Variants in PRKG1 observed in about 807,000 individuals in gnomAD.
PRKG1 encodes cGMP-dependent protein kinase 1.
PRKG1 carries 35 observed loss-of-function variants against 88.1 expected under a neutral mutation model. The observed-to-expected ratio is 0.40, with a 90% confidence interval of 0.30 to 0.53. The LOEUF is 0.53. PRKG1 is among the 20% of genes least tolerant of loss of function. The probability of loss-of-function intolerance (pLI) is 0.59; values close to 1 mark genes in which losing one functional copy is unlikely to be tolerated. For missense variants in PRKG1, 540 were observed against 839.8 expected (o/e 0.64, Z 4.41); for synonymous variants, 303 against 292.5 (o/e 1.04, Z -0.37).
chr10:52,164,658 G>A (rs999987268), intron 9 of PRKG1, among the ~76,000 whole-genome samples: 30 of 152,040 alleles, frequency 2.0e-4, no homozygotes, highest in Admixed American at 1.7e-3. Flanking sequence ...GCAATGAAAT[G>A]ACTACTTACA....
chr10:52,118,451 G>A (rs2132605615), intron 7 of PRKG1, among the ~76,000 whole-genome samples: 1 of 151,824 alleles, frequency 6.6e-6, no homozygotes, highest in Admixed American at 6.6e-5. Context: ...ACATATATGT[G>A]TTTATATTTT....
chr10:52,175,689 T>C (rs1838845648), intron 9 of PRKG1, among the ~76,000 whole-genome samples: 1 of 152,180 alleles, frequency 6.6e-6, no homozygotes, highest in Non-Finnish European at 1.5e-5. Context: ...AAAGCTATTC[T>C]AACTGGAGTA....
chr10:51,255,199 T>C (rs1188198724), intron 2 of PRKG1, among the ~76,000 whole-genome samples: 1 of 152,158 alleles, frequency 6.6e-6, no homozygotes, highest in East Asian at 1.9e-4. Context: ...TTTCTACATA[T>C]GTTTTGACTA....
At chr10:52,290,372 G>A (rs1336248170) in intron 17 of PRKG1, 82 bp downstream of exon 17, 7 of 1,200,982 alleles carry the variant, frequency 5.8e-6, no homozygotes, top group Non-Finnish European at 7.1e-6. Flanking sequence ...TATTTTTAAA[G>A]TTTAATCCTA....
chr10:52,022,598 G>A (rs905608064), intron 5 of PRKG1, among the ~76,000 whole-genome samples: 1 of 152,028 alleles, frequency 6.6e-6, no homozygotes, highest in African/African-American at 2.4e-5. Flanking sequence ...CATGGGAATA[G>A]GCAGAATAAT....
At chr10:51,033,148 A>G (rs1025532825) in intron 1 of PRKG1, among the ~76,000 whole-genome samples, 1 of 152,038 alleles carries the variant, frequency 6.6e-6, no homozygotes, top group Non-Finnish European at 1.5e-5. Context: ...TACAGTTCTG[A>G]TTATTAAGCC....
chr10:51,353,157 A>G lies in PRKG1; in HGVS notation c.479-114566A>G, dbSNP rs566439369. On this transcript the variant is annotated intron_variant, in intron 2 of 17. Coordinates refer to ENST00000373980, the MANE Select transcript of PRKG1 (RefSeq NM_006258.4). ...ACAAAAATAAAATCAAAATAGATTA[A>G]CAATTTAAAGCTAAAACCTCAAACT... is the stretch of plus-strand genomic sequence containing the variant. Among the ~76,000 whole-genome samples the G allele has an allele frequency of 3.0e-4, 45 of 152,308 alleles. No homozygotes were observed. The South Asian group carries it at 5.2e-3, about 18-fold the overall frequency.
At chr10:51,592,872 T>C (rs971290190) in intron 3 of PRKG1, among the ~76,000 whole-genome samples, 4 of 152,224 alleles carry the variant, frequency 2.6e-5, no homozygotes, top group East Asian at 1.9e-4. Flanking sequence ...AAGTATTGAC[T>C]AGTAAATTAC....
At position 51,404,561 on chromosome 10, in the gene PRKG1, T is replaced by C. The variant is rs141346016; in HGVS notation, c.479-63162T>C. Among the ~76,000 whole-genome samples the C allele has an allele frequency of 1.5e-3, 227 of 152,356 alleles. 1 individual carries two copies. Among genetic ancestry groups the C allele is most frequent in the African/African-American group, 5.2e-3 (216 of 41,588 alleles). On this transcript the variant is annotated intron_variant, in intron 2 of 17. Transcript: ENST00000373980. The stretch of plus-strand genomic sequence containing the variant: ...AAAAGTCAATATGGTAATAGCATGA[T>C]ATTTTGCTTTGGAATCAAACATACT...
At chr10:51,244,974 C>A (rs1027750712) in intron 2 of PRKG1, 1 of 151,980 alleles carries the variant, frequency 6.6e-6, no homozygotes, top group Non-Finnish European at 1.5e-5. Context: ...TGCTGCCTTT[C>A]CTTCTCTAGA....
intron 9 of PRKG1, among the ~76,000 whole-genome samples, chr10:52,222,079 T>C: frequency 6.6e-6 from 1 of 152,088 alleles, no homozygotes; most frequent in East Asian, 1.9e-4. Context: ...GTCAGGGGAA[T>C]TGGGTGAGTG....
At chr10:52,281,265 A>G (rs1158489641) in intron 13 of PRKG1, among the ~76,000 whole-genome samples, 1 of 152,160 alleles carries the variant, frequency 6.6e-6, no homozygotes, top group Non-Finnish European at 1.5e-5. Context: ...TTTTTATATT[A>G]TGGAAAACCA....
intron 1 of PRKG1, among the ~76,000 whole-genome samples, chr10:51,149,944 T>C (rs1001017309): frequency 6.6e-6 from 1 of 152,100 alleles, no homozygotes; most frequent in African/African-American, 2.4e-5. Flanking sequence ...AGGCTGACAA[T>C]TCAATGATGA....
intron 9 of PRKG1, among the ~76,000 whole-genome samples, chr10:52,205,485 G>A (rs1257530884): frequency 6.6e-6 from 1 of 152,098 alleles, no homozygotes; most frequent in Non-Finnish European, 1.5e-5. Context: ...TATTGGGGGT[G>A]AGTTCCCCCA....
intron 2 of PRKG1, among the ~76,000 whole-genome samples, chr10:51,450,423 T>C (rs1361393174): frequency 6.6e-6 from 1 of 152,028 alleles, no homozygotes; most frequent in Non-Finnish European, 1.5e-5. Context: ...GACATATTAG[T>C]AACTCTAAGG....
intron 10 of PRKG1, among the ~76,000 whole-genome samples, chr10:52,264,597 A>G (rs1039761846): frequency 7.9e-5 from 12 of 152,138 alleles, no homozygotes; most frequent in Non-Finnish European, 1.2e-4. Context: ...AAATGGCTTT[A>G]TGCTTCACCA....
intron 2 of PRKG1, among the ~76,000 whole-genome samples, chr10:51,322,049 C>A (rs1251082579): frequency 3.3e-5 from 5 of 152,192 alleles, no homozygotes; most frequent in Non-Finnish European, 5.9e-5. Context: ...AGATTAACCT[C>A]CTTTCAAGTT....
intron 2 of PRKG1, among the ~76,000 whole-genome samples, chr10:51,374,777 G>T (rs908979054): frequency 2.7e-4 from 41 of 152,166 alleles, no homozygotes; most frequent in Admixed American, 2.6e-3. Context: ...CCAGTCTCAG[G>T]TATTTTGTTG....
chr10:51,664,719 T>C (rs1056312161), intron 3 of PRKG1, among the ~76,000 whole-genome samples: 1 of 151,604 alleles, frequency 6.6e-6, no homozygotes, highest in Non-Finnish European at 1.5e-5. Flanking sequence ...AAGATGAGCA[T>C]TGGAACCAAA....
Sources: allele counts gnomAD v4.1 joint callset (sites outside exome capture counted in the v4.1 genomes callset), GRCh38; gene constraint gnomAD v4.1.1; transcripts MANE v1.5; gene names NCBI Gene and HGNC (gene_info 2026-07-23, HGNC 2026-07-21).